Variants in MYLK observed in about 807,000 individuals in gnomAD.
MYLK encodes the protein myosin light chain kinase, smooth muscle.
In MYLK, 106 loss-of-function variants were observed where a neutral mutation model predicts 203.4. The observed-to-expected ratio is 0.52, with a 90% CI of 0.45 to 0.61. The LOEUF is 0.61. Among genes scored for constraint, MYLK ranks in the 20% least tolerant of loss-of-function variants. The probability of loss-of-function intolerance (pLI) is 0.00; values close to 1 mark genes in which losing one functional copy is unlikely to be tolerated. For synonymous variants in MYLK, 867 were observed against 959.5 expected (o/e 0.90, Z 1.78); for missense variants, 2,072 against 2,442.3 (o/e 0.85, Z 3.20).
In MYLK at chr3:123,700,308, T is replaced by G; in HGVS notation, c.3160A>C (p.Lys1054Gln). The change falls in exon 18 of 34, where the codon AAG becomes CAG. Residue 1054 changes from lysine to glutamine, a missense_variant. Physicochemically the swap from Lys to Gln is moderately conservative, Grantham distance 53 (BLOSUM62 1). Transcript: ENST00000360304. ...GCGGATTTCAGGTTCTCATCAGGCTTGGCATTGCCCATGGGCTTCAGGGTC... is the reference window on the plus strand; with the variant it reads ...GCGGATTTCAGGTTCTCATCAGGCTGGGCATTGCCCATGGGCTTCAGGGTC... ...AETLKPMGNA[K>Q]PDENLKSASK... 1 of 1,613,956 alleles carries G rather than the reference T, an allele frequency of 6.2e-7. No individual in the cohort carries two copies. Among genetic ancestry groups the G allele is most frequent in the Non-Finnish European group, 8.5e-7 (1 of 1,179,954 alleles).
chr3:123,827,750 A>ATATAG (rs1560269132), intron 3 of MYLK, among the ~76,000 whole-genome samples: 8 of 90,812 alleles, frequency 8.8e-5, no homozygotes, highest in African/African-American at 2.4e-4. Context: ...TATATATATA[A>ATATAG]AGACTCTACC....
chr3:123,875,274 A>C (rs890158351), intron 2 of MYLK, among the ~76,000 whole-genome samples: 1 of 152,220 alleles, frequency 6.6e-6, no homozygotes, highest in African/African-American at 2.4e-5. Context: ...CAATGAAATA[A>C]TACTCAGCAA....
chr3:123,702,829 A>G (rs2061300001), intron 16 of MYLK, among the ~76,000 whole-genome samples: 1 of 152,178 alleles, frequency 6.6e-6, no homozygotes, highest in South Asian at 2.1e-4. Flanking sequence ...CCTCTATTAA[A>G]AAATATAATA....
chr3:123,686,492 G>A (rs1194553796), intron 19 of MYLK, among the ~76,000 whole-genome samples: 1 of 152,088 alleles, frequency 6.6e-6, no homozygotes, highest in African/African-American at 2.4e-5. Context: ...CAGTGGGGCA[G>A]GGCAGAGGGG....
chr3:123,724,139 C>CTTTTTTTTTTTTTTTTTTTTTT (rs5852359), intron 12 of MYLK, among the ~76,000 whole-genome samples: 1 of 80,850 alleles, frequency 1.2e-5, no homozygotes, highest in African/African-American at 5.3e-5. Flanking sequence ...CTAAGTTTTG[C>CTTTTTTTTTTTTTTTTTTTTTT]TTTTTTTTTT....
chr3:123,620,737 T>C, intron 31 of MYLK: 1 of 685,732 alleles, frequency 1.5e-6, no homozygotes, highest in Non-Finnish European at 1.9e-6. Context: ...ACAATGCCAG[T>C]GATGTGATTA....
At chr3:123,836,402 C>A (rs2066476175) in intron 2 of MYLK, among the ~76,000 whole-genome samples, 1 of 152,174 alleles carries the variant, frequency 6.6e-6, no homozygotes, top group South Asian at 2.1e-4. Flanking sequence ...TTTATACCCA[C>A]TTTTTCTTAA....
rs2062596777 is a variant in MYLK at position 123,734,224 on chromosome 3, T to C, written c.774-2A>G. 1 of 1,311,116 alleles carries C rather than the reference T, an allele frequency of 7.6e-7. No individual in the cohort carries two copies. The highest frequency in any genetic ancestry group is 1.5e-5 in the African/African-American group (1 of 65,864). The allele number at this position is 1,311,116 out of a possible 1,614,324, so 81.2% of individuals were successfully genotyped here. A position where few individuals can be genotyped will look rare whatever the true frequency, so the allele number is the denominator to read the frequency against. On this transcript the variant is annotated splice_acceptor_variant, in intron 9 of 33. Coordinates refer to ENST00000360304, the MANE Select transcript of MYLK (RefSeq NM_053025.4). LOFTEE classifies it high-confidence loss of function. The stretch of plus-strand genomic sequence containing the variant: ...GCTTTTGTTTCTCTCACAAATGACC[T>C]GTGTGGTGGTGAGGGTGGGGGTAGG...
chr3:123,647,772 G>C (rs1031869510), intron 26 of MYLK, among the ~76,000 whole-genome samples: 1 of 150,772 alleles, frequency 6.6e-6, no homozygotes, highest in Non-Finnish European at 1.5e-5. Context: ...GGCTGGTCTT[G>C]AACTCCTGGC....
In MYLK at chr3:123,834,598, A is replaced by G. The variant is rs577930613; in HGVS notation, c.-126-2928T>C. On this transcript the variant is annotated intron_variant, in intron 2 of 33. Transcript: ENST00000360304. ...GGATTGAGGGAGCATTGGGATGCGCAGTGGGATTATTGACTGTCACAACGA... is the reference window on the plus strand; with the variant it reads ...GGATTGAGGGAGCATTGGGATGCGCGGTGGGATTATTGACTGTCACAACGA... 4.6e-5 allele frequency among the ~76,000 whole-genome samples: 7 copies of G among 152,222 alleles called. No individual in the cohort carries two copies. The South Asian group carries it at 1.0e-3, about 23-fold the overall frequency.
intron 3 of MYLK, among the ~76,000 whole-genome samples, chr3:123,828,008 G>A (rs954096463): frequency 1.3e-5 from 2 of 151,412 alleles, no homozygotes; most frequent in South Asian, 2.1e-4. Flanking sequence ...AAGTGGAAAC[G>A]CATCCTATGC....
At chr3:123,624,635 CTGACTT>C (rs1182172038) in intron 31 of MYLK, 4 of 152,226 alleles carry the variant, frequency 2.6e-5, no homozygotes, top group Non-Finnish European at 2.9e-5. Flanking sequence ...ATTAATACAG[CTGACTT>C]TGACTTTGTA....
intron 4 of MYLK, among the ~76,000 whole-genome samples, chr3:123,783,486 A>G (rs2109043987): frequency 6.6e-6 from 1 of 152,300 alleles, no homozygotes; most frequent in East Asian, 1.9e-4. Flanking sequence ...GACTTTGTCT[A>G]CACTTCTTTC....
At chr3:123,696,896 T>C (rs577309450) in intron 18 of MYLK, among the ~76,000 whole-genome samples, 356 of 152,326 alleles carry the variant, frequency 2.3e-3, no homozygotes, top group African/African-American at 8.0e-3. Flanking sequence ...ACTGGGGCCA[T>C]GTCATCCTCT....
At chr3:123,830,389 TA>T (rs1261013538) in intron 3 of MYLK, among the ~76,000 whole-genome samples, 1 of 152,188 alleles carries the variant, frequency 6.6e-6, no homozygotes, top group African/African-American at 2.4e-5. Flanking sequence ...TAGTCACTTT[TA>T]AAAAAATTCC....
At chr3:123,865,657 C>T (rs1371711005) in intron 2 of MYLK, among the ~76,000 whole-genome samples, 1 of 152,178 alleles carries the variant, frequency 6.6e-6, no homozygotes, top group Non-Finnish European at 1.5e-5. Flanking sequence ...CACCATAAGT[C>T]CTGATCTGAA....
At chr3:123,813,856 T>G (rs1374640672) in intron 3 of MYLK, among the ~76,000 whole-genome samples, 1 of 152,090 alleles carries the variant, frequency 6.6e-6, no homozygotes, top group Non-Finnish European at 1.5e-5. Context: ...AGAGCAACTG[T>G]CATCAACCCA....
At position 123,855,600 on chromosome 3, in the gene MYLK, C is replaced by T. The variant is rs113924407; in HGVS notation, c.-127+20959G>A. Among the ~76,000 whole-genome samples the T allele has an allele frequency of 6.6e-3, 997 of 151,954 alleles. 9 individuals are homozygous for T. The highest frequency in any genetic ancestry group is 0.02 in the African/African-American group (843 of 41,432). ...GCTACAGTGAGTTATGATTGTGCTA[C>T]TCTGCTCTAGCCTTGGTGATAGAGT... On this transcript the variant is annotated intron_variant, in intron 2 of 33. Coordinates refer to ENST00000360304, the MANE Select transcript of MYLK (RefSeq NM_053025.4).
intron 33 of MYLK, chr3:123,616,773 C>G (rs1205425584): frequency 6.6e-6 from 1 of 152,120 alleles, no homozygotes; most frequent in Non-Finnish European, 1.5e-5. Flanking sequence ...CTCTCTCGCT[C>G]TCTCACTTGC....
Sources: gnomAD v4.1 joint callset for allele counts (sites outside exome capture counted in the v4.1 genomes callset) on GRCh38, gnomAD v4.1.1 for gene constraint, MANE v1.5 for transcripts, NCBI Gene and HGNC (gene_info 2026-07-23, HGNC 2026-07-21) for gene names.